Variants in TMED8 observed in about 807,000 individuals in gnomAD.
TMED8 encodes protein TMED8.
In TMED8, 15 loss-of-function variants were observed where a neutral mutation model predicts 32.7. That is an observed-to-expected ratio of 0.46 (90% CI 0.31 to 0.71). The LOEUF is 0.71. Among genes scored for constraint, TMED8 ranks in the 30% least tolerant of loss-of-function variants. The pLI is 0.06. For missense variants in TMED8, 390 were observed against 423.9 expected (o/e 0.92, Z 0.70); for synonymous variants, 147 against 161.4 (o/e 0.91, Z 0.68).
At chr14:77,364,254 G>A (rs1248303888) in intron 1 of TMED8, among the ~76,000 whole-genome samples, 3 of 151,800 alleles carry the variant, frequency 2.0e-5, no homozygotes, top group African/African-American at 4.8e-5. Context: ...AGGCTGGAGT[G>A]TAGTGTTGTG....
intron 1 of TMED8, among the ~76,000 whole-genome samples, chr14:77,370,200 CCTCT>C (rs1030395369): frequency 6.6e-5 from 10 of 151,666 alleles, no homozygotes; most frequent in Admixed American, 3.3e-4. Context: ...AAAATTCTGC[CCTCT>C]CTCTGTCATT....
Position 77,376,978 on chromosome 14 carries a change from C to T in TMED8, c.76G>A (p.Gly26Arg). 6 of 1,451,292 alleles carry T rather than the reference C, an allele frequency of 4.1e-6. No individual in the cohort carries two copies. The highest frequency in any genetic ancestry group is 5.4e-6 in the Non-Finnish European group (6 of 1,110,492). 89.9% of individuals were successfully genotyped at this position (1,451,292 alleles called of 1,614,324 possible). A position where few individuals can be genotyped will look rare whatever the true frequency, so the allele number is the denominator to read the frequency against. The change falls in exon 1 of 6, where the codon GGG (glycine) becomes AGG (arginine). Residue 26 changes from glycine to arginine, a missense_variant. Transcript: ENST00000216468. This position sits in a 1 kb window ranked among gnomAD's most constrained non-coding sequence, Gnocchi z 4.0. ...CTCCCCTCCACTCCCTGGCAGTCCC[C>T]GACGCCGCCAGCCGACCCTGGGCGG... The part of the protein sequence containing the change: ...TARPGSAGGV[G>R]DCQGVEGSQA...
chr14:77,351,721 G>C lies in TMED8; in HGVS notation c.149C>G (p.Ser50Cys), dbSNP rs1398379651. Residue 50 changes from serine to cysteine, a missense_variant, in exon 2 of 6, where the codon TCT becomes TGT. Transcript: ENST00000216468. ...TGGATCGGTGGCAGAAGCCAATAAAGAGGTATCCTTGTTTTCTAGATCTTC... is the reference window on the plus strand; with the variant it reads ...TGGATCGGTGGCAGAAGCCAATAAACAGGTATCCTTGTTTTCTAGATCTTC... ...ENEDLENKDTSLLASATDPEP... is the reference protein window; with the variant it reads ...ENEDLENKDTCLLASATDPEP... The C allele has an allele frequency of 3.1e-6, 5 of 1,613,308 alleles. No homozygotes were observed. The highest frequency in any genetic ancestry group is 2.5e-6 in the Non-Finnish European group (3 of 1,179,628).
chr14:77,358,857 A>G (rs1214325245), intron 1 of TMED8, among the ~76,000 whole-genome samples: 1 of 152,088 alleles, frequency 6.6e-6, no homozygotes, highest in Non-Finnish European at 1.5e-5. Flanking sequence ...TGTTGCCCCC[A>G]TCTTAGAAAA....
intron 2 of TMED8, among the ~76,000 whole-genome samples, chr14:77,350,794 A>G (rs1893158877): frequency 6.6e-6 from 1 of 152,188 alleles, no homozygotes; most frequent in African/African-American, 2.4e-5. Flanking sequence ...CTGGGCAACA[A>G]AGCAAGACTC....
At chr14:77,349,750 A>G (rs74063339) in intron 2 of TMED8, among the ~76,000 whole-genome samples, 2,520 of 152,264 alleles carry the variant, frequency 0.017, 59 homozygotes, top group African/African-American at 0.058. Context: ...ACTGCCTGAC[A>G]TGATATGGAG....
At chr14:77,371,290 G>C (rs551494001) in intron 1 of TMED8, among the ~76,000 whole-genome samples, 1 of 152,198 alleles carries the variant, frequency 6.6e-6, no homozygotes, top group South Asian at 2.1e-4. Context: ...CAAAGCATGA[G>C]AGTGTCTGCT....
rs146675546 is a variant in TMED8 at position 77,366,352 on chromosome 14, C to A, written c.118+10584G>T. 6.7e-3 allele frequency among the ~76,000 whole-genome samples: 1,014 copies of A among 152,268 alleles called. 7 individuals carry two copies. Among genetic ancestry groups the A allele is most frequent in the African/African-American group, 0.024 (978 of 41,544 alleles). ...CAGTACCAGGAAGTCAGGGAACAAG[C>A]ACATAATCTAAAATATTCCCACCTG... On this transcript the variant is annotated intron_variant, in intron 1 of 5. Transcript: ENST00000216468.
chr14:77,371,778 A>G (rs1370344246), intron 1 of TMED8, among the ~76,000 whole-genome samples: 1 of 152,228 alleles, frequency 6.6e-6, no homozygotes, highest in Admixed American at 6.5e-5. Flanking sequence ...ATTTTCCTAT[A>G]GTATAGCTTT....
chr14:77,368,349 T>C (rs1180240040), intron 1 of TMED8, among the ~76,000 whole-genome samples: 1 of 152,218 alleles, frequency 6.6e-6, no homozygotes, highest in African/African-American at 2.4e-5. Flanking sequence ...CTGGTAGATG[T>C]ATGCTAATTT....
At chr14:77,358,633 A>G (rs1594848843) in intron 1 of TMED8, among the ~76,000 whole-genome samples, 1 of 152,236 alleles carries the variant, frequency 6.6e-6, no homozygotes, top group Non-Finnish European at 1.5e-5. Context: ...TTAATTCTAT[A>G]TTTGTATTTT....
At chr14:77,367,839 G>A (rs755493075) in intron 1 of TMED8, among the ~76,000 whole-genome samples, 1 of 151,928 alleles carries the variant, frequency 6.6e-6, no homozygotes, top group South Asian at 2.1e-4. Flanking sequence ...GACTACAGGC[G>A]CCCACCACCA....
At chr14:77,346,308 G>A (rs1205948430) in intron 3 of TMED8, 41 bp downstream of exon 3, 1 of 1,606,960 alleles carries the variant, frequency 6.2e-7, no homozygotes, top group Middle Eastern at 1.8e-4. Context: ...CCACATTCTG[G>A]TGCCTCCTTT....
chr14:77,372,952 A>ATTTTT lies in TMED8; in HGVS notation c.118+3979_118+3983dup, dbSNP rs1160815178. Among the ~76,000 whole-genome samples, 6 of 14,316 alleles carry ATTTTT rather than the reference A, an allele frequency of 4.2e-4. 1 individual carries two copies. The highest frequency in any genetic ancestry group is 3.5e-4 in the African/African-American group (1 of 2,834). 9.4% of individuals were successfully genotyped at this position (14,316 alleles called of 152,430 possible). On this transcript the variant is annotated intron_variant, in intron 1 of 5. Transcript: ENST00000216468. ...TATATATATATATATATATATATAT[A>ATTTTT]TTTTTTTTTTTTTTTTTTTTTTTTT...
chr14:77,349,152 C>T (rs1893121948), intron 2 of TMED8, among the ~76,000 whole-genome samples: 1 of 139,680 alleles, frequency 7.2e-6, no homozygotes, highest in African/African-American at 2.8e-5. Flanking sequence ...GCTCTGTCGC[C>T]CAAGCTGGGG....
chr14:77,356,852 T>C (rs1893300825), intron 1 of TMED8, among the ~76,000 whole-genome samples: 1 of 152,230 alleles, frequency 6.6e-6, no homozygotes, highest in Non-Finnish European at 1.5e-5. Context: ...TTGTTGACAT[T>C]TTAAAAAACT....
At chr14:77,370,546 T>C (rs567770914) in intron 1 of TMED8, among the ~76,000 whole-genome samples, 5 of 152,304 alleles carry the variant, frequency 3.3e-5, no homozygotes, top group Middle Eastern at 3.4e-3. Flanking sequence ...TCTATCTATG[T>C]ACACATATAT....
chr14:77,336,872 TTA>T lies in TMED8; in HGVS notation c.*4897_*4898del, dbSNP rs1321098641. The T allele has an allele frequency of 6.6e-6, 1 of 152,160 alleles. No homozygotes were observed. The highest frequency in any genetic ancestry group is 6.5e-5 in the Admixed American group (1 of 15,276). 9.4% of individuals were successfully genotyped at this position (152,160 alleles called of 1,614,324 possible). ...TAACAAACAAATATAAAAGCAGACTTTAGAGTCTGGGTTTCAACTAATTCTCT... is the reference window on the plus strand; with the variant it reads ...TAACAAACAAATATAAAAGCAGACTTGAGTCTGGGTTTCAACTAATTCTCT... On this transcript the variant is annotated 3_prime_UTR_variant, in exon 6 of 6. Transcript: ENST00000216468.
intron 3 of TMED8, among the ~76,000 whole-genome samples, chr14:77,345,968 CA>C (rs370981070): frequency 0.02 from 1,551 of 76,640 alleles, 6 homozygotes; most frequent in African/African-American, 0.068. Context: ...GACCCTGTCT[CA>C]AAAAAAAAAA....
Sources: allele counts gnomAD v4.1 joint callset (sites outside exome capture counted in the v4.1 genomes callset), GRCh38; gene constraint gnomAD v4.1.1; non-coding constraint Gnocchi (gnomAD v3.1); transcripts MANE v1.5; gene names NCBI Gene and HGNC (gene_info 2026-07-23, HGNC 2026-07-21).